The following SLC30A8 variants were observed in gnomAD, a reference collection of about 807,000 sequenced individuals.
The protein encoded by SLC30A8 is proton-coupled zinc antiporter SLC30A8.
SLC30A8 carries 27 observed loss-of-function variants against 36.9 expected under a neutral mutation model. The observed-to-expected ratio is 0.73, with a 90% CI of 0.54 to 1.01. The LOEUF (loss-of-function observed/expected upper bound fraction) is 1.01, where lower values mean the gene tolerates loss of function less well. SLC30A8 is among the 50% of genes least tolerant of loss of function. The pLI is 0.00. For missense variants in SLC30A8, 439 were observed against 452.0 expected (o/e 0.97, Z 0.26); for synonymous variants, 164 against 172.4 (o/e 0.95, Z 0.38).
In SLC30A8 at chr8:117,172,936, C is replaced by A; in HGVS notation, c.*255C>A. On this transcript the variant is annotated 3_prime_UTR_variant, in exon 8 of 8. Transcript: ENST00000456015. ...GTATATAGATTATTCCTGAGTGGAG[C>A]CGAAGTAACAGCTGTTTGTAACTAT... The A allele has an allele frequency of 2.2e-6, 1 of 448,232 alleles. No individual in the cohort carries two copies. The highest frequency in any genetic ancestry group is 4.0e-6 in the Non-Finnish European group (1 of 252,558). The allele number at this position is 448,232 out of a possible 1,614,324, so 27.8% of individuals were successfully genotyped here. A position where few individuals can be genotyped will look rare whatever the true frequency, so the allele number is the denominator to read the frequency against.
At chr8:117,016,182 A>T (rs574163641) in intron 1 of SLC30A8, among the ~76,000 whole-genome samples, 23 of 152,300 alleles carry the variant, frequency 1.5e-4, no homozygotes, top group African/African-American at 4.3e-4. Flanking sequence ...TATTGAAGGG[A>T]AAAAGGGATA....
intron 2 of SLC30A8, among the ~76,000 whole-genome samples, chr8:117,052,126 TCAGCCTCC>T (rs1817729634): frequency 6.6e-6 from 1 of 152,200 alleles, no homozygotes; most frequent in Admixed American, 6.5e-5. Context: ...TTCTCCTGCC[TCAGCCTCC>T]CAAGTGGCTG....
intron 1 of SLC30A8, among the ~76,000 whole-genome samples, chr8:117,002,794 G>C (rs188232680): frequency 2.0e-5 from 3 of 152,046 alleles, no homozygotes; most frequent in African/African-American, 7.2e-5. Flanking sequence ...TACTAGAGAC[G>C]GGGTTTCACC....
At position 117,065,589 on chromosome 8, in the gene SLC30A8, C is replaced by G. The variant is rs139176221; in HGVS notation, c.-226+26331C>G. Among the ~76,000 whole-genome samples, 718 of 152,002 alleles carry G rather than the reference C, an allele frequency of 4.7e-3. 7 individuals are homozygous for G. Among genetic ancestry groups the G allele is most frequent in the African/African-American group, 0.016 (681 of 41,466 alleles). Reference sequence around the variant, plus strand: ...GTTGTATCATCTGCTCTTCCCTAACCCTAATTCTTTGGAACTATCTCCGCT... The same window carrying G: ...GTTGTATCATCTGCTCTTCCCTAACGCTAATTCTTTGGAACTATCTCCGCT... On this transcript the variant is annotated intron_variant, in intron 2 of 10. Transcript: ENST00000427715.
chr8:117,172,018 G>T (rs1448286169), intron 7 of SLC30A8, among the ~76,000 whole-genome samples: 3 of 152,068 alleles, frequency 2.0e-5, no homozygotes, highest in African/African-American at 7.2e-5. Flanking sequence ...TAAACACTCA[G>T]GTTGCTATGG....
At chr8:117,141,211 GAAATATCACAGGAAAATA>G (rs1173838360) in intron 1 of SLC30A8, among the ~76,000 whole-genome samples, 1 of 152,022 alleles carries the variant, frequency 6.6e-6, no homozygotes, top group Non-Finnish European at 1.5e-5. Context: ...AAAAAAGGAG[GAAATATCACAGGAAAATA>G]AAACTACAGA....
At chr8:116,968,669 C>T (rs1244566965) in intron 1 of SLC30A8, among the ~76,000 whole-genome samples, 1 of 146,166 alleles carries the variant, frequency 6.8e-6, no homozygotes, top group Non-Finnish European at 1.5e-5. Flanking sequence ...ATATATATTC[C>T]ATTCTCTTAT....
At chr8:117,151,688 G>A (rs936422243) in intron 2 of SLC30A8, among the ~76,000 whole-genome samples, 1 of 152,160 alleles carries the variant, frequency 6.6e-6, no homozygotes, top group South Asian at 2.1e-4. Flanking sequence ...ACATAGAATC[G>A]TCATCACTCA....
At chr8:116,965,331 G>A (rs1013047943) in intron 1 of SLC30A8, among the ~76,000 whole-genome samples, 3 of 152,174 alleles carry the variant, frequency 2.0e-5, no homozygotes, top group African/African-American at 7.2e-5. Context: ...AAGGATAGTT[G>A]ATTCTAAAGC....
At chr8:117,153,168 G>T (rs1447799667) in intron 3 of SLC30A8, 78 bp downstream of exon 3, 1 of 1,406,238 alleles carries the variant, frequency 7.1e-7, no homozygotes, top group African/African-American at 1.4e-5. Context: ...AAGACACGAA[G>T]CAAAGCCTTG....
chr8:117,077,260 C>T (rs1818520077), intron 2 of SLC30A8, among the ~76,000 whole-genome samples: 1 of 152,158 alleles, frequency 6.6e-6, no homozygotes, highest in South Asian at 2.1e-4. Context: ...AGGGCTCTAG[C>T]TCATAGTGAC....
chr8:117,145,512 A>C (rs1242779770), intron 1 of SLC30A8, among the ~76,000 whole-genome samples: 3 of 152,156 alleles, frequency 2.0e-5, no homozygotes, highest in Admixed American at 2.0e-4. Context: ...AAATGAAATG[A>C]AGTGAAAGCT....
chr8:117,071,599 G>A (rs1818331614), intron 2 of SLC30A8, among the ~76,000 whole-genome samples: 1 of 151,726 alleles, frequency 6.6e-6, no homozygotes, highest in South Asian at 2.1e-4. Context: ...CTGTGCTTTT[G>A]GGTCATGTCT....
At position 117,147,106 on chromosome 8, in the gene SLC30A8, G is replaced by A. The variant is rs1185587051; in HGVS notation, c.224G>A (p.Cys75Tyr). 2.5e-6 allele frequency: 4 copies of A among 1,613,994 alleles called. No homozygotes were observed. In the South Asian group the frequency reaches 3.3e-5, roughly 13 times the overall value. Residue 75 changes from cysteine (C) to tyrosine (Y), a missense_variant, in exon 2 of 8, where the codon TGT becomes TAT. Transcript: ENST00000456015. ...TACGCCTATGCCAAGTGGAAACTCT[G>A]TTCTGCTTCAGCAATATGCTTCATT... is the stretch of plus-strand genomic sequence containing the variant. ...NEYAYAKWKL[C>Y]SASAICFIFM...
chr8:117,111,490 G>A (rs534522014), intron 2 of SLC30A8, among the ~76,000 whole-genome samples: 1 of 152,214 alleles, frequency 6.6e-6, no homozygotes, highest in Non-Finnish European at 1.5e-5. Context: ...CTGTGCTTCA[G>A]TGGGGCTCCA....
At chr8:116,958,164 C>T (rs949712647) in intron 1 of SLC30A8, among the ~76,000 whole-genome samples, 11 of 152,292 alleles carry the variant, frequency 7.2e-5, no homozygotes, top group Admixed American at 2.6e-4. Flanking sequence ...AGGGCTGGAC[C>T]GCTCTTCTTA....
At chr8:117,142,534 C>T (rs1036775434) in intron 1 of SLC30A8, among the ~76,000 whole-genome samples, 13 of 152,090 alleles carry the variant, frequency 8.5e-5, no homozygotes, top group Admixed American at 6.6e-4. Context: ...ATATTTCACT[C>T]TTTCTTTACG....
chr8:116,988,529 C>T (rs1815528161), intron 1 of SLC30A8, among the ~76,000 whole-genome samples: 2 of 152,152 alleles, frequency 1.3e-5, no homozygotes, highest in South Asian at 4.1e-4. Flanking sequence ...TCTGTTCATT[C>T]TTTAAAACTT....
At chr8:117,037,724 G>A (rs1299320975) in intron 1 of SLC30A8, among the ~76,000 whole-genome samples, 1 of 152,176 alleles carries the variant, frequency 6.6e-6, no homozygotes, top group Non-Finnish European at 1.5e-5. Flanking sequence ...CAAGGCATAT[G>A]CATCTATGGT....
Sources: allele counts gnomAD v4.1 joint callset (sites outside exome capture counted in the v4.1 genomes callset), GRCh38; gene constraint gnomAD v4.1.1; transcripts MANE v1.5; gene names NCBI Gene and HGNC (gene_info 2026-07-23, HGNC 2026-07-21).